The following NLRP14 variants were observed in gnomAD, a reference collection of about 807,000 sequenced individuals.
The protein encoded by NLRP14 is NACHT, LRR and PYD domains-containing protein 14.
NLRP14 carries 105 observed loss-of-function variants against 94.7 expected under a neutral mutation model. That is an observed-to-expected ratio of 1.11 (90% CI 0.95 to 1.30). NLRP14 has a LOEUF of 1.30. Ranked by LOEUF, NLRP14 falls within the 50% of genes most tolerant of loss-of-function variation. The pLI is 0.00. For missense variants in NLRP14, 1,362 were observed against 1,254.1 expected (o/e 1.09, Z -1.30); for synonymous variants, 508 against 459.9 (o/e 1.10, Z -1.34).
At chr11:7,044,331 GATA>G (rs1184345934) in intron 4 of NLRP14, among the ~76,000 whole-genome samples, 1 of 152,128 alleles carries the variant, frequency 6.6e-6, no homozygotes, top group Non-Finnish European at 1.5e-5. Flanking sequence ...TTGCATCCAT[GATA>G]ATAAGTATAT....
At chr11:7,055,350 C>A (rs1005239337) in intron 6 of NLRP14, among the ~76,000 whole-genome samples, 6 of 152,016 alleles carry the variant, frequency 3.9e-5, no homozygotes, top group Admixed American at 3.3e-4. Context: ...CATATAGCTT[C>A]GGCAACAACT....
At chr11:7,045,333 A>T (rs1226393300) in intron 4 of NLRP14, among the ~76,000 whole-genome samples, 2 of 152,360 alleles carry the variant, frequency 1.3e-5, no homozygotes, top group Non-Finnish European at 1.5e-5. Context: ...CTAGAACAGT[A>T]TTCTGGCCAC....
At chr11:7,038,176 G>A (rs187975051) in intron 1 of NLRP14, among the ~76,000 whole-genome samples, 1 of 152,250 alleles carries the variant, frequency 6.6e-6, no homozygotes, top group Admixed American at 6.5e-5. Flanking sequence ...TACTTAGGAG[G>A]AGCCAGTTCT....
intron 10 of NLRP14, among the ~76,000 whole-genome samples, chr11:7,069,649 C>T (rs1015004540): frequency 7.3e-5 from 11 of 151,260 alleles, no homozygotes; most frequent in African/African-American, 1.2e-4. Flanking sequence ...TTTTTTGAGA[C>T]GGAGTCTTGC....
At chr11:7,076,525 G>C (rs1173110847), downstream of NLRP14, among the ~76,000 whole-genome samples, 1 of 151,960 alleles carries the variant, frequency 6.6e-6, no homozygotes, top group East Asian at 1.9e-4. Context: ...TTGCATACCT[G>C]ATCCTCTCTG....
chr11:7,076,425 TTC>T (rs1852874323), downstream of NLRP14, among the ~76,000 whole-genome samples: 1 of 152,228 alleles, frequency 6.6e-6, no homozygotes, highest in Non-Finnish European at 1.5e-5. Flanking sequence ...TTTAAATTTA[TTC>T]TGTTAGTATG....
At chr11:7,063,562 A>G (rs550011314) in intron 10 of NLRP14, among the ~76,000 whole-genome samples, 39 of 152,202 alleles carry the variant, frequency 2.6e-4, no homozygotes, top group Non-Finnish European at 1.5e-5. Flanking sequence ...GCAAACATGT[A>G]GCAGAGAGAA....
At chr11:7,079,589 A>C in the NLRP14 span, among the ~76,000 whole-genome samples, 1 of 152,228 alleles carries the variant, frequency 6.6e-6, no homozygotes, top group Non-Finnish European at 1.5e-5. Flanking sequence ...GAATTTTTGA[A>C]GACCATATAT....
downstream of NLRP14, among the ~76,000 whole-genome samples, chr11:7,072,041 T>TTG (rs1003494248): frequency 9.9e-5 from 15 of 151,892 alleles, no homozygotes; most frequent in African/African-American, 2.4e-4. Context: ...ACAATAAATT[T>TTG]TGTGTGTGTG....
chr11:7,071,193 A>G lies in NLRP14; in HGVS notation c.3167A>G (p.Asp1056Gly), dbSNP rs765559068. 3.7e-6 allele frequency: 6 copies of G among 1,613,896 alleles called. No homozygotes were observed. Among genetic ancestry groups the G allele is most frequent in the Non-Finnish European group, 5.1e-6 (6 of 1,179,996 alleles). ...CTCAGGTTGTGCAAAGAGGCATTTG[A>G]TGAGGAAGCCCAGAAGCTGCTGGAA... ...QVLGLCKEAF[D>G]EEAQKLLEAV... Residue 1056 changes from aspartate (D) to glycine (G), a missense_variant, in exon 12 of 12, where the codon GAT becomes GGT. Transcript: ENST00000299481.
downstream of NLRP14, among the ~76,000 whole-genome samples, chr11:7,071,686 C>T (rs992351208): frequency 1.3e-5 from 2 of 150,338 alleles, no homozygotes; most frequent in African/African-American, 4.9e-5. Context: ...ATCTCTGGCA[C>T]GTTTTATTAA....
intron 8 of NLRP14, among the ~76,000 whole-genome samples, chr11:7,059,114 TTTTATA>T (rs1387893880): frequency 1.3e-5 from 2 of 151,464 alleles, no homozygotes; most frequent in Non-Finnish European, 3.0e-5. Flanking sequence ...GTTTTTGGCC[TTTTATA>T]TTTAGGAATT....
Position 7,057,805 on chromosome 11 carries a change from G to C in NLRP14, c.2420G>C (p.Cys807Ser). 6.2e-7 allele frequency: 1 copy of C among 1,612,696 alleles called. No individual in the cohort carries two copies. The highest frequency in any genetic ancestry group is 8.5e-7 in the Non-Finnish European group (1 of 1,178,862). Residue 807 changes from cysteine to serine, a missense_variant, in exon 7 of 12, where the codon TGT becomes TCT. Cys to Ser is a moderately radical substitution (Grantham distance 112). Coordinates refer to ENST00000299481, the MANE Select transcript of NLRP14 (RefSeq NM_176822.4). ...NLLDDGVQLL[C>S]EALRHPKCYL... ...TTGGATGATGGAGTGCAGCTTTTGT[G>C]TGAGGCCTTAAGACATCCAAAGTGT...
At chr11:7,041,478 C>CT (rs1852248601) in intron 3 of NLRP14, among the ~76,000 whole-genome samples, 1 of 152,124 alleles carries the variant, frequency 6.6e-6, no homozygotes, top group South Asian at 2.1e-4. Context: ...AACTTCATAT[C>CT]TTTTTTGGTT....
At chr11:7,039,225 A>G (rs1410187403) in intron 2 of NLRP14, among the ~76,000 whole-genome samples, 1 of 152,202 alleles carries the variant, frequency 6.6e-6, no homozygotes, top group East Asian at 1.9e-4. Flanking sequence ...ATGATTTAAC[A>G]TATTTGCTGA....
intron 10 of NLRP14, among the ~76,000 whole-genome samples, chr11:7,062,786 G>T (rs1412222082): frequency 6.6e-6 from 1 of 152,004 alleles, no homozygotes; most frequent in Non-Finnish European, 1.5e-5. Context: ...TCATCCTTCA[G>T]ATAGTCTACT....
At chr11:7,088,540 C>A in the NLRP14 span, among the ~76,000 whole-genome samples, 1 of 151,938 alleles carries the variant, frequency 6.6e-6, no homozygotes, top group African/African-American at 2.4e-5. Context: ...AGAATAAAGA[C>A]AATAGCACCA....
At chr11:7,055,881 G>C (rs983131284) in intron 6 of NLRP14, among the ~76,000 whole-genome samples, 7 of 152,046 alleles carry the variant, frequency 4.6e-5, no homozygotes, top group Non-Finnish European at 2.9e-5. Context: ...TTTTTGCCAA[G>C]GATGTTGTTT....
chr11:7,065,612 T>C (rs777321492), intron 10 of NLRP14, among the ~76,000 whole-genome samples: 1 of 152,134 alleles, frequency 6.6e-6, no homozygotes, highest in Non-Finnish European at 1.5e-5. Context: ...TGAACTTTCA[T>C]ATGTTGTTCA....
Sources: gnomAD v4.1 joint callset for allele counts (sites outside exome capture counted in the v4.1 genomes callset) on GRCh38, gnomAD v4.1.1 for gene constraint, MANE v1.5 for transcripts, NCBI Gene and HGNC (gene_info 2026-07-23, HGNC 2026-07-21) for gene names.